SIAE: variants seen among roughly 807,000 people sequenced by gnomAD.
The protein encoded by SIAE is sialic acid acetylesterase.
A neutral mutation model predicts 52.6 loss-of-function variants in SIAE; 39 were observed. The ratio of observed to expected loss-of-function variants is 0.74; its 90% confidence interval spans 0.57 to 0.97. The LOEUF (loss-of-function observed/expected upper bound fraction) is 0.97. SIAE is among the 50% of genes least tolerant of loss of function. SIAE has a pLI of 0.00. For synonymous variants in SIAE, 233 were observed against 241.4 expected (o/e 0.97, Z 0.32); for missense variants, 592 against 662.1 (o/e 0.89, Z 1.16).
At chr11:124,654,608 G>A in intron 4 of SIAE, 47 bp downstream of exon 4, 1 of 1,613,720 alleles carries the variant, frequency 6.2e-7, no homozygotes, top group South Asian at 1.1e-5. Context: ...TCCACTTAGG[G>A]CGCTAACCCA....
rs758718405 is a variant in SIAE, at chr11:124,637,118, C to T, written c.1405G>A (p.Asp469Asn). 19 of 1,614,118 alleles carry T rather than the reference C, an allele frequency of 1.2e-5. No homozygotes were observed. In the Admixed American group the frequency reaches 1.7e-4, roughly 14 times the overall value. ...GCAACCACAGTGCCATGACAAGAAT[C>T]GATCGCCAGGGTCAGGGACTGGGTG... is the stretch of plus-strand genomic sequence containing the variant. ...VSTQSLTLAI[D>N]SCHGTVVALR... The change falls in exon 10 of 10, where the codon GAT (aspartate) becomes AAT (asparagine). Residue 469 changes from aspartate to asparagine, a missense_variant. Asp to Asn is a conservative substitution (Grantham distance 23). Coordinates refer to ENST00000263593, the MANE Select transcript of SIAE (RefSeq NM_170601.5).
intron 1 of SIAE, among the ~76,000 whole-genome samples, chr11:124,673,071 C>T (rs1943392803): frequency 6.6e-6 from 1 of 152,142 alleles, no homozygotes. Context: ...CATTTTCCCA[C>T]CACCAATATC....
rs187234937 is a variant in SIAE at position 124,654,895 on chromosome 11, C to T, written c.406-102G>A. 3,831 of 1,395,316 alleles carry T rather than the reference C, an allele frequency of 2.7e-3. 10 individuals carry two copies. Among genetic ancestry groups the T allele is most frequent in the Non-Finnish European group, 3.6e-3 (3,577 of 989,990 alleles). 86.4% of individuals were successfully genotyped at this position (1,395,316 alleles called of 1,614,324 possible). A position where few individuals can be genotyped will look rare whatever the true frequency, so the allele number is the denominator to read the frequency against. ...TCTGAGCTCCTGAGCTTTCAATATA[C>T]TGAGATCAAATTAATAACCAAAACC... On this transcript the variant is annotated intron_variant, in intron 3 of 9. Coordinates refer to ENST00000263593, the MANE Select transcript of SIAE (RefSeq NM_170601.5).
In SIAE at chr11:124,638,586, A is replaced by C. The variant is rs771086556; in HGVS notation, c.1276T>G (p.Tyr426Asp). ...TTTTTCTGCACCTGGATTTGCTGGT[A>C]ATATGTGAGATTGAGCAGCCCCTTG... Reference protein sequence around the residue: ...AHKGLLNLTYYQQIQVQKKDN... With the variant: ...AHKGLLNLTYDQQIQVQKKDN... Residue 426 changes from tyrosine (Y) to aspartate (D), a missense_variant, in exon 9 of 10, where the codon TAC becomes GAC. Tyr to Asp is a radical substitution (Grantham distance 160). Coordinates refer to ENST00000263593, the MANE Select transcript of SIAE (RefSeq NM_170601.5). 6.2e-7 allele frequency: 1 copy of C among 1,614,144 alleles called. No homozygotes were observed.
Position 124,670,811 on chromosome 11 carries a change from G to A in SIAE, c.68-1290C>T, listed in dbSNP as rs1228687596. Reference sequence around the variant, plus strand: ...ATGACAATGAAAGATCACCCAGAAGGCCTACTGGGCTGGAGATGCACGGTT... The same window carrying A: ...ATGACAATGAAAGATCACCCAGAAGACCTACTGGGCTGGAGATGCACGGTT... On this transcript the variant is annotated intron_variant, in intron 1 of 9. Transcript: ENST00000263593. This position sits in a 1 kb window ranked among gnomAD's most constrained non-coding sequence, Gnocchi z 4.5. Among the ~76,000 whole-genome samples the A allele has an allele frequency of 6.6e-6, 1 of 152,182 alleles. No homozygotes were observed. Among genetic ancestry groups the A allele is most frequent in the Non-Finnish European group, 1.5e-5 (1 of 68,038 alleles).
intron 2 of SIAE, 140 bp from the exon 3 acceptor site, chr11:124,660,943 A>C: frequency 1.1e-6 from 1 of 893,092 alleles, no homozygotes; most frequent in East Asian, 2.5e-5. Context: ...ATTTCAGATA[A>C]GAGGATAGAA....
At chr11:124,667,186 T>G (rs1226896078) in intron 2 of SIAE, among the ~76,000 whole-genome samples, 1 of 152,186 alleles carries the variant, frequency 6.6e-6, no homozygotes, top group Non-Finnish European at 1.5e-5. Context: ...TCAGCATCAT[T>G]TACTGAGAGT....
intron 5 of SIAE, 32 bp downstream of exon 5, chr11:124,649,587 G>A (rs369378188): frequency 6.2e-6 from 10 of 1,611,074 alleles, no homozygotes; most frequent in Middle Eastern, 1.9e-4. Context: ...TCCCTGGTAG[G>A]CTCTTTCTCA....
chr11:124,648,232 G>A, intron 5 of SIAE, 57 bp from the exon 6 acceptor site: 1 of 1,307,252 alleles, frequency 7.6e-7, no homozygotes, highest in Non-Finnish European at 1.1e-6. Flanking sequence ...TCACATAAGG[G>A]TCCCTAATTG....
chr11:124,639,802 T>C lies in SIAE; in HGVS notation c.1032A>G (p.Thr344=). The stretch of plus-strand genomic sequence containing the variant: ...GGTTGGGGACATAGCCGAAGTCTGC[T>C]GTTTGATGCCAACGGATCTGGGGAA... ...DGFPQIRWHQ[T]ADFGYVPNPK... The change falls in exon 8 of 10, where the codon ACA becomes ACG. Residue 344 remains threonine (T), a synonymous_variant. Coordinates refer to ENST00000263593, the MANE Select transcript of SIAE (RefSeq NM_170601.5). The C allele has an allele frequency of 6.2e-7, 1 of 1,614,236 alleles. No homozygotes were observed.
chr11:124,638,799 T>A, intron 8 of SIAE, 62 bp from the exon 9 acceptor site: 3 of 1,334,418 alleles, frequency 2.2e-6, no homozygotes, highest in Non-Finnish European at 3.2e-6. Flanking sequence ...CACATTTTTT[T>A]AAAAGGGGGA....
At chr11:124,663,729 G>A (rs899930916) in intron 2 of SIAE, among the ~76,000 whole-genome samples, 1 of 152,210 alleles carries the variant, frequency 6.6e-6, no homozygotes, top group Non-Finnish European at 1.5e-5. Flanking sequence ...CTGGTCCTTA[G>A]CTTATCCGTT....
At chr11:124,674,899 T>G (rs1943439503), upstream of SIAE, 1 of 157,666 alleles carries the variant, frequency 6.3e-6, no homozygotes, top group Non-Finnish European at 1.4e-5. Flanking sequence ...TTTAACTTTT[T>G]AGCAATCATT....
At chr11:124,665,985 T>C (rs1306295209) in intron 2 of SIAE, among the ~76,000 whole-genome samples, 2 of 152,280 alleles carry the variant, frequency 1.3e-5, no homozygotes, top group South Asian at 2.1e-4. Context: ...ATCACCTACA[T>C]ACACACACCC....
chr11:124,665,514 C>T (rs549099323), intron 2 of SIAE, among the ~76,000 whole-genome samples: 3 of 152,184 alleles, frequency 2.0e-5, no homozygotes, highest in African/African-American at 7.2e-5. Context: ...CTGGCCTACA[C>T]CTTGATTTCA....
At chr11:124,663,983 C>G (rs1293062403) in intron 2 of SIAE, among the ~76,000 whole-genome samples, 1 of 152,178 alleles carries the variant, frequency 6.6e-6, no homozygotes, top group African/African-American at 2.4e-5. Context: ...CAGGCCAGGC[C>G]CAGGTTTCTG....
At chr11:124,666,555 C>G (rs1160943767) in intron 2 of SIAE, among the ~76,000 whole-genome samples, 14 of 152,232 alleles carry the variant, frequency 9.2e-5, no homozygotes, top group Non-Finnish European at 1.5e-5. Flanking sequence ...GTCCCCACCA[C>G]CACCAATAAC....
Position 124,635,591 on chromosome 11 carries a change from A to G in SIAE, c.*1360T>C, listed in dbSNP as rs545186820. On this transcript the variant is annotated 3_prime_UTR_variant, in exon 10 of 10. Transcript: ENST00000263593. ...ATTCAGCCACTAAAAATAAATTTACATATGATTTCATTAATATATTCACTA... is the reference window on the plus strand; with the variant it reads ...ATTCAGCCACTAAAAATAAATTTACGTATGATTTCATTAATATATTCACTA... The G allele has an allele frequency of 4.6e-5, 7 of 152,352 alleles. No individual in the cohort carries two copies. The highest frequency in any genetic ancestry group is 8.8e-5 in the Non-Finnish European group (6 of 68,032). The allele number at this position is 152,352 out of a possible 1,614,324, so 9.4% of individuals were successfully genotyped here.
At chr11:124,672,073 G>C (rs1399564308) in intron 1 of SIAE, among the ~76,000 whole-genome samples, 1 of 151,506 alleles carries the variant, frequency 6.6e-6, no homozygotes, top group East Asian at 1.9e-4. Flanking sequence ...ACCGCGCCTG[G>C]CCAATTTTTT....
Sources: allele counts gnomAD v4.1 joint callset (sites outside exome capture counted in the v4.1 genomes callset), GRCh38; gene constraint gnomAD v4.1.1; non-coding constraint Gnocchi (gnomAD v3.1); transcripts MANE v1.5; gene names NCBI Gene and HGNC (gene_info 2026-07-23, HGNC 2026-07-21).